The following GBE1 variants were observed in gnomAD, a reference collection of about 807,000 sequenced individuals.
The protein encoded by GBE1 is 1,4-alpha-glucan branching enzyme 1.
Under a neutral mutation model 88.8 loss-of-function variants are expected in GBE1, and 70 were observed. The ratio of observed to expected loss-of-function variants is 0.79; its 90% CI spans 0.65 to 0.96. The LOEUF (loss-of-function observed/expected upper bound fraction) is 0.96. GBE1 is among the 40% of genes least tolerant of loss of function. GBE1 has a pLI of 0.00. For synonymous variants in GBE1, 284 were observed against 300.1 expected (o/e 0.95, Z 0.56); for missense variants, 872 against 871.0 (o/e 1.00, Z -0.01).
At chr3:81,517,811 C>T (rs146765375) in intron 14 of GBE1, among the ~76,000 whole-genome samples, 1 of 151,268 alleles carries the variant, frequency 6.6e-6, no homozygotes, top group East Asian at 2.0e-4. Context: ...TAATTTTAAA[C>T]CTTCAGGAGT....
chr3:81,559,837 T>C (rs1314634797), intron 12 of GBE1, among the ~76,000 whole-genome samples: 3 of 152,000 alleles, frequency 2.0e-5, no homozygotes, highest in African/African-American at 7.2e-5. Context: ...CCAAAAATAT[T>C]TGGAATGACT....
chr3:81,736,799 C>T (rs1240818373), intron 1 of GBE1, among the ~76,000 whole-genome samples: 1 of 152,158 alleles, frequency 6.6e-6, no homozygotes, highest in Admixed American at 6.6e-5. Context: ...TTAAACCACC[C>T]ATCTAGAGTA....
Position 81,581,224 on chromosome 3 carries a change from T to C in GBE1, c.1387A>G (p.Thr463Ala). 1 of 1,607,696 alleles carries C rather than the reference T, an allele frequency of 6.2e-7. No homozygotes were observed. Among genetic ancestry groups the C allele is most frequent in the Non-Finnish European group, 8.5e-7 (1 of 1,177,268 alleles). The change falls in exon 11 of 16, where the codon ACG (threonine) becomes GCG (alanine). Residue 463 changes from threonine to alanine, a missense_variant. Transcript: ENST00000429644. The stretch of plus-strand genomic sequence containing the variant: ...TCAAGGTAGCGCCTGTTTGTGAGCG[T>C]GTATACTATATCGCCCATGTTCCAG... ...EDWNMGDIVY[T>A]LTNRRYLEKC...
intron 1 of GBE1, among the ~76,000 whole-genome samples, chr3:81,757,952 G>T (rs1052409921): frequency 6.6e-6 from 1 of 152,046 alleles, no homozygotes; most frequent in Non-Finnish European, 1.5e-5. Context: ...ACATTAAATG[G>T]TCAAAAAGAG....
intron 7 of GBE1, among the ~76,000 whole-genome samples, chr3:81,639,125 A>C (rs2107051759): frequency 6.6e-6 from 1 of 152,276 alleles, no homozygotes; most frequent in African/African-American, 2.4e-5. Flanking sequence ...ACAAACTCAA[A>C]ATTACAGGCA....
intron 6 of GBE1, among the ~76,000 whole-genome samples, chr3:81,645,400 G>A (rs888641511): frequency 6.6e-6 from 1 of 152,200 alleles, no homozygotes; most frequent in Non-Finnish European, 1.5e-5. Flanking sequence ...GTAACCAGCT[G>A]TACCAAGGGG....
chr3:81,736,148 C>T (rs1706255141), intron 1 of GBE1, among the ~76,000 whole-genome samples: 1 of 152,162 alleles, frequency 6.6e-6, no homozygotes. Context: ...CAGGTCTGCT[C>T]CCCTCACCAA....
At chr3:81,507,442 T>G (rs1177161793) in intron 14 of GBE1, among the ~76,000 whole-genome samples, 2 of 151,926 alleles carry the variant, frequency 1.3e-5, no homozygotes, top group Non-Finnish European at 2.9e-5. Context: ...CGGGCACCTG[T>G]AGTCCCAGCT....
At chr3:81,597,445 A>T (rs543887261) in intron 7 of GBE1, among the ~76,000 whole-genome samples, 23 of 144,604 alleles carry the variant, frequency 1.6e-4, no homozygotes, top group African/African-American at 5.3e-4. Context: ...ATATCTCAAA[A>T]ATATATATAT....
At chr3:81,720,854 T>C (rs1012868028) in intron 1 of GBE1, among the ~76,000 whole-genome samples, 3 of 147,990 alleles carry the variant, frequency 2.0e-5, no homozygotes, top group Admixed American at 6.8e-5. Context: ...ATATACACCA[T>C]GGAATACTAT....
At chr3:81,589,462 T>C (rs889166113) in intron 9 of GBE1, among the ~76,000 whole-genome samples, 12 of 151,732 alleles carry the variant, frequency 7.9e-5, no homozygotes, top group African/African-American at 2.9e-4. Flanking sequence ...CGTATTGAAA[T>C]TGAAGTAGTT....
Position 81,761,470 on chromosome 3 carries a change from CG to C in GBE1, c.47del (p.Ala16GlyfsTer23), listed in dbSNP as rs2107250805. ...TPAARPEDYE[A>X]ALNAALADVP... ...CGTCAGCCAGGGCGGCATTGAGCGC[CG>C]CCTCGTAGTCCTCGGGCCGAGCCGC... On this transcript the variant is annotated frameshift_variant, in exon 1 of 16. Transcript: ENST00000429644. LOFTEE classifies it high-confidence loss of function. 1.2e-6 allele frequency: 2 copies of C among 1,613,292 alleles called. No homozygotes were observed. Among genetic ancestry groups the C allele is most frequent in the Non-Finnish European group, 1.7e-6 (2 of 1,179,672 alleles).
rs1037704306 is a variant in GBE1 at position 81,489,789 on chromosome 3, T to C, written c.*618A>G. ...TTTCAGGGCTTCAGAAAGACTGAGA[T>C]ACTGGCATTTAACAAGATACTTAGT... On this transcript the variant is annotated 3_prime_UTR_variant, in exon 16 of 16. Transcript: ENST00000429644. 6.6e-6 allele frequency: 1 copy of C among 152,142 alleles called. No homozygotes were observed. Among genetic ancestry groups the C allele is most frequent in the African/African-American group, 2.4e-5 (1 of 41,454 alleles). The allele number at this position is 152,142 out of a possible 1,614,324, so 9.4% of individuals were successfully genotyped here.
At chr3:81,743,301 ATTAT>A (rs1356633957) in intron 1 of GBE1, among the ~76,000 whole-genome samples, 2 of 152,182 alleles carry the variant, frequency 1.3e-5, no homozygotes, top group African/African-American at 4.8e-5. Flanking sequence ...GAGGTTAACT[ATTAT>A]TTAAAGTTAT....
At chr3:81,558,461 TA>T (rs780655591) in intron 12 of GBE1, among the ~76,000 whole-genome samples, 40 of 152,176 alleles carry the variant, frequency 2.6e-4, no homozygotes, top group African/African-American at 8.9e-4. Context: ...TGTTATAAAA[TA>T]TTTTTTGCTA....
chr3:81,751,592 CCAAT>C (rs1706529138), intron 1 of GBE1, among the ~76,000 whole-genome samples: 1 of 152,154 alleles, frequency 6.6e-6, no homozygotes, highest in Non-Finnish European at 1.5e-5. Flanking sequence ...CAAGCTGTGC[CCAAT>C]CAACCTCTAA....
intron 3 of GBE1, among the ~76,000 whole-genome samples, chr3:81,651,714 T>G (rs909423516): frequency 1.3e-5 from 2 of 152,232 alleles, no homozygotes; most frequent in African/African-American, 4.8e-5. Context: ...ACTACCACTT[T>G]GGCTAATCTA....
intron 12 of GBE1, among the ~76,000 whole-genome samples, chr3:81,543,258 A>G (rs573205819): frequency 3.7e-3 from 560 of 152,230 alleles, no homozygotes; most frequent in African/African-American, 0.013. Context: ...ACTGAAAAAT[A>G]TAGAAAGTTG....
In GBE1 at chr3:81,669,580, C is replaced by T. The variant is rs972535393; in HGVS notation, c.429+1258G>A. Among the ~76,000 whole-genome samples, 10 of 151,930 alleles carry T rather than the reference C, an allele frequency of 6.6e-5. No individual in the cohort carries two copies. In the South Asian group the frequency reaches 2.1e-3, roughly 32 times the overall value. ...TCAATAAATATCTTTTGAGTGTCTACTCTGCCAGGCACTGTTCAAAGAATT... is the reference window on the plus strand; with the variant it reads ...TCAATAAATATCTTTTGAGTGTCTATTCTGCCAGGCACTGTTCAAAGAATT... On this transcript the variant is annotated intron_variant, in intron 3 of 15. Transcript: ENST00000429644.
Sources: gnomAD v4.1 joint callset for allele counts (sites outside exome capture counted in the v4.1 genomes callset) on GRCh38, gnomAD v4.1.1 for gene constraint, MANE v1.5 for transcripts, NCBI Gene and HGNC (gene_info 2026-07-23, HGNC 2026-07-21) for gene names.